The following ADCY2 variants were observed in gnomAD, a reference collection of about 807,000 sequenced individuals.
ADCY2 encodes the protein adenylate cyclase 2.
ADCY2 carries 31 observed loss-of-function variants against 125.2 expected under a neutral mutation model. The ratio of observed to expected loss-of-function variants is 0.25; its 90% CI spans 0.19 to 0.33. The LOEUF is 0.33. ADCY2 is among the 10% of genes least tolerant of loss of function. The pLI, the probability that ADCY2 is intolerant of heterozygous loss-of-function variation, is 1.00. For synonymous variants in ADCY2, 512 were observed against 548.4 expected (o/e 0.93, Z 0.93); for missense variants, 904 against 1,418.2 (o/e 0.64, Z 5.82).
intron 24 of ADCY2, chr5:7,826,456 A>T: frequency 1.8e-6 from 1 of 545,314 alleles, no homozygotes; most frequent in Non-Finnish European, 3.3e-6. Context: ...CCATGATAGC[A>T]TCATGGTAGC....
At chr5:7,602,284 G>A (rs1737238800) in intron 3 of ADCY2, among the ~76,000 whole-genome samples, 1 of 152,216 alleles carries the variant, frequency 6.6e-6, no homozygotes, top group Non-Finnish European at 1.5e-5. Context: ...TGGCAATTGA[G>A]TAAAATCTGC....
At chr5:7,501,134 A>ATTTTTT (rs1233056378) in intron 2 of ADCY2, among the ~76,000 whole-genome samples, 24,336 of 146,712 alleles carry the variant, frequency 0.17, 2,110 homozygotes, top group African/African-American at 0.19. Flanking sequence ...TTTTTTTTAA[A>ATTTTTT]AAAAAAAAAA....
intron 3 of ADCY2, among the ~76,000 whole-genome samples, chr5:7,620,907 A>AC (rs1226978782): frequency 1.3e-5 from 2 of 152,136 alleles, no homozygotes; most frequent in East Asian, 1.9e-4. Flanking sequence ...AAAAAAAAAA[A>AC]AACTGTCATT....
chr5:7,447,415 A>T (rs1741307157), intron 2 of ADCY2, among the ~76,000 whole-genome samples: 1 of 152,200 alleles, frequency 6.6e-6, no homozygotes, highest in African/African-American at 2.4e-5. Flanking sequence ...AGTCTCTTAT[A>T]GGGATCCCTT....
intron 2 of ADCY2, among the ~76,000 whole-genome samples, chr5:7,442,430 A>G (rs768251060): frequency 1.8e-4 from 27 of 151,990 alleles, no homozygotes; most frequent in Admixed American, 7.2e-4. Context: ...GCTTCATTAG[A>G]TTTGGTTTAA....
chr5:7,532,927 G>A (rs930785093), intron 3 of ADCY2, among the ~76,000 whole-genome samples: 1 of 151,472 alleles, frequency 6.6e-6, no homozygotes, highest in Admixed American at 6.6e-5. Flanking sequence ...ATGATTCTGA[G>A]TGCTTTATTC....
intron 4 of ADCY2, among the ~76,000 whole-genome samples, chr5:7,653,604 C>T (rs1431065808): frequency 6.8e-6 from 1 of 147,886 alleles, no homozygotes; most frequent in African/African-American, 2.5e-5. Flanking sequence ...GAGACTCTGT[C>T]TTAAAAAAAA....
rs754518771 is a variant in ADCY2 at position 7,766,672 on chromosome 5, A to G, written c.2095-15A>G. 25 of 1,609,502 alleles carry G rather than the reference A, an allele frequency of 1.6e-5. No homozygotes were observed. Among genetic ancestry groups the G allele is most frequent in the Middle Eastern group, 3.3e-4 (2 of 6,074 alleles). On this transcript the variant is annotated splice_polypyrimidine_tract_variant and intron_variant, in intron 16 of 24. Transcript: ENST00000338316. ...AATTTACATTAATTCATTGAAAAAA[A>G]CCTTCTCTTTGCAGTTTTTCCTGAG...
intron 4 of ADCY2, among the ~76,000 whole-genome samples, chr5:7,678,090 A>ATATTTTT (rs1012415825): frequency 3.3e-4 from 50 of 152,314 alleles, no homozygotes; most frequent in African/African-American, 1.2e-3. Context: ...TAATCAATAA[A>ATATTTTT]TATTTTTTAA....
At chr5:7,711,808 G>A (rs1741449381) in intron 10 of ADCY2, among the ~76,000 whole-genome samples, 1 of 152,168 alleles carries the variant, frequency 6.6e-6, no homozygotes, top group Non-Finnish European at 1.5e-5. Context: ...TTCAAAGCCA[G>A]GCTTGGATTG....
chr5:7,415,189 A>G (rs972342739), intron 2 of ADCY2, among the ~76,000 whole-genome samples: 1 of 152,204 alleles, frequency 6.6e-6, no homozygotes, highest in African/African-American at 2.4e-5. Flanking sequence ...ATTATTATTA[A>G]CTATGGTCAG....
intron 2 of ADCY2, among the ~76,000 whole-genome samples, chr5:7,472,384 C>A (rs1005551321): frequency 6.6e-6 from 1 of 152,054 alleles, no homozygotes; most frequent in African/African-American, 2.4e-5. Context: ...TTTCTTATGG[C>A]TCCTGAAATT....
chr5:7,769,638 C>T (rs1346691821), intron 17 of ADCY2, among the ~76,000 whole-genome samples: 1 of 151,890 alleles, frequency 6.6e-6, no homozygotes, highest in Non-Finnish European at 1.5e-5. Context: ...TTTAAAATAC[C>T]CAAATTAGCT....
At chr5:7,688,377 C>G (rs892975877) in intron 4 of ADCY2, among the ~76,000 whole-genome samples, 43 of 151,978 alleles carry the variant, frequency 2.8e-4, no homozygotes, top group Admixed American at 6.6e-4. Flanking sequence ...AAGTGATTCT[C>G]CTGCCTCAGC....
intron 1 of ADCY2, among the ~76,000 whole-genome samples, chr5:7,413,723 T>C (rs1166082389): frequency 6.6e-6 from 1 of 152,104 alleles, no homozygotes; most frequent in African/African-American, 2.4e-5. Flanking sequence ...GCTTCCAGCA[T>C]AATGTTTTGC....
At chr5:7,502,355 G>A (rs949522023) in intron 2 of ADCY2, among the ~76,000 whole-genome samples, 4 of 151,882 alleles carry the variant, frequency 2.6e-5, no homozygotes, top group East Asian at 1.9e-4. Flanking sequence ...GGACACTTTC[G>A]TCAGCCAGTG....
At chr5:7,599,253 T>C (rs1020144546) in intron 3 of ADCY2, among the ~76,000 whole-genome samples, 2 of 152,144 alleles carry the variant, frequency 1.3e-5, no homozygotes, top group Non-Finnish European at 2.9e-5. Flanking sequence ...ACGAGTTTTT[T>C]TGTGAGAATC....
At chr5:7,433,444 A>G (rs1309696237) in intron 2 of ADCY2, among the ~76,000 whole-genome samples, 2 of 152,180 alleles carry the variant, frequency 1.3e-5, no homozygotes, top group Admixed American at 6.5e-5. Context: ...ACACACATAC[A>G]ATGCCTAGGT....
chr5:7,479,540 G>A (rs1236954605), intron 2 of ADCY2, among the ~76,000 whole-genome samples: 1 of 152,032 alleles, frequency 6.6e-6, no homozygotes, highest in South Asian at 2.1e-4. Flanking sequence ...CCACATCAGG[G>A]TAAATGGGGT....
Sources: allele counts gnomAD v4.1 joint callset (sites outside exome capture counted in the v4.1 genomes callset), GRCh38; gene constraint gnomAD v4.1.1; transcripts MANE v1.5; gene names NCBI Gene and HGNC (gene_info 2026-07-23, HGNC 2026-07-21).